The following PIEZO2 variants were observed in gnomAD, a reference collection of about 807,000 sequenced individuals.
PIEZO2 encodes the protein piezo-type mechanosensitive ion channel component 2.
PIEZO2 carries 172 observed loss-of-function variants against 337.3 expected under a neutral mutation model. That is an observed-to-expected ratio of 0.51 (90% confidence interval 0.45 to 0.58). PIEZO2 has a LOEUF of 0.58. Ranked by LOEUF, PIEZO2 falls within the 20% of genes least tolerant of loss-of-function variation. The pLI is 0.00. For missense variants in PIEZO2, 3,028 were observed against 3,391.3 expected (o/e 0.89, Z 2.66); for synonymous variants, 1,251 against 1,228.5 (o/e 1.02, Z -0.38).
At chr18:10,949,804 T>C (rs188925895) in intron 3 of PIEZO2, among the ~76,000 whole-genome samples, 43 of 152,222 alleles carry the variant, frequency 2.8e-4, no homozygotes, top group Non-Finnish European at 3.5e-4. Flanking sequence ...CACACAGTTG[T>C]GGTCAAAGTG....
chr18:10,929,685 G>A lies in PIEZO2; in HGVS notation c.287-18457C>T, dbSNP rs1220111862. 6.6e-6 allele frequency among the ~76,000 whole-genome samples: 1 copy of A among 152,178 alleles called. No homozygotes were observed. Among genetic ancestry groups the A allele is most frequent in the East Asian group, 1.9e-4 (1 of 5,196 alleles). ...ACTTAGTCTTTTACAGTGTTTAATG[G>A]AGTTTGATACAATAGAGCAGATGGA... On this transcript the variant is annotated intron_variant, in intron 3 of 55. Transcript: ENST00000674853. The surrounding 1 kb of genome is among the most constrained non-coding windows in gnomAD (Gnocchi z 5.6).
intron 1 of PIEZO2, among the ~76,000 whole-genome samples, chr18:11,084,133 C>T (rs1159217217): frequency 1.7e-5 from 2 of 119,388 alleles, no homozygotes; most frequent in Non-Finnish European, 3.2e-5. Flanking sequence ...GCCAAGATCA[C>T]ATCATTTTAC....
intron 52 of PIEZO2, among the ~76,000 whole-genome samples, chr18:10,679,767 T>C (rs2143480461): frequency 6.6e-6 from 1 of 152,348 alleles, no homozygotes; most frequent in Admixed American, 6.5e-5. Context: ...ATAATAGTGC[T>C]GTAAGTGATG....
Position 11,076,152 on chromosome 18 carries a change from T to C in PIEZO2, c.65-9930A>G, listed in dbSNP as rs577462197. Among the ~76,000 whole-genome samples the C allele has an allele frequency of 2.6e-5, 4 of 152,360 alleles. No homozygotes were observed. The South Asian group carries it at 8.3e-4, about 32-fold the overall frequency. On this transcript the variant is annotated intron_variant, in intron 1 of 55. Coordinates refer to ENST00000674853, the MANE Select transcript of PIEZO2 (RefSeq NM_001378183.1). ...GTCATGTTTTAACATTACATTTTTA[T>C]TCTGAAATGTGTGAAGGCTGACAAT...
intron 2 of PIEZO2, among the ~76,000 whole-genome samples, chr18:10,994,224 A>G (rs1288157741): frequency 1.3e-5 from 2 of 152,174 alleles, no homozygotes; most frequent in African/African-American, 4.8e-5. Flanking sequence ...CATCACATAT[A>G]TGTTTCTTTA....
rs190911948 is a variant in PIEZO2, at chr18:10,680,820, A to G, written c.7780-449T>C. 9.7e-4 allele frequency among the ~76,000 whole-genome samples: 148 copies of G among 152,342 alleles called. 1 individual carries two copies. The highest frequency in any genetic ancestry group is 8.6e-3 in the Admixed American group (131 of 15,304). ...TGTGCATTATAGGTGATAATTTTAC[A>G]GAAGAAAGAAGCATCTCCTTCCTAT... On this transcript the variant is annotated intron_variant, in intron 51 of 55. Coordinates refer to ENST00000674853, the MANE Select transcript of PIEZO2 (RefSeq NM_001378183.1).
intron 20 of PIEZO2, among the ~76,000 whole-genome samples, chr18:10,771,284 C>T (rs1022987701): frequency 1.3e-5 from 2 of 152,244 alleles, no homozygotes; most frequent in Non-Finnish European, 1.5e-5. Context: ...GAACTCTAAG[C>T]ATCAGAATGA....
chr18:10,852,285 C>T (rs1180530902), intron 7 of PIEZO2, among the ~76,000 whole-genome samples: 1 of 152,090 alleles, frequency 6.6e-6, no homozygotes, highest in Non-Finnish European at 1.5e-5. Context: ...TCTCCAGTTG[C>T]CAGGCTAATA....
intron 13 of PIEZO2, 82 bp from the exon 14 acceptor site, chr18:10,791,406 G>T: frequency 1.5e-6 from 2 of 1,350,460 alleles, no homozygotes; most frequent in South Asian, 3.1e-5. Flanking sequence ...CATTTTCTCC[G>T]CATTCCAGTG....
chr18:10,876,347 C>A (rs1012394706), intron 4 of PIEZO2, among the ~76,000 whole-genome samples: 1 of 152,170 alleles, frequency 6.6e-6, no homozygotes, highest in Admixed American at 6.5e-5. Context: ...CATTTCTTAC[C>A]AGTTTCTTCT....
chr18:10,672,813 C>T lies in PIEZO2; in HGVS notation c.8222G>A (p.Ser2741Asn), dbSNP rs1193032704. 8 of 1,612,828 alleles carry T rather than the reference C, an allele frequency of 5.0e-6. No individual in the cohort carries two copies. The highest frequency in any genetic ancestry group is 1.3e-5 in the African/African-American group (1 of 74,866). The change falls in exon 55 of 56, where the codon AGT becomes AAT. Residue 2741 changes from serine (S) to asparagine (N), a missense_variant. Around this residue, in one of 5 missense-constraint regions of PIEZO2, gnomAD observed 332 missense variants for 363.8 expected, o/e 0.91. Coordinates refer to ENST00000674853, the MANE Select transcript of PIEZO2 (RefSeq NM_001378183.1). The surrounding 1 kb of genome is among the most constrained non-coding windows in gnomAD (Gnocchi z 4.7). ...AGTCAGGTTGAGAACCCACCACTCA[C>T]TGTTATATTTAGTTGTATTGTCTCT... ...LSRDNTTKYNSEWWVLNLTGN... is the reference protein window; with the variant it reads ...LSRDNTTKYNNEWWVLNLTGN...
intron 4 of PIEZO2, among the ~76,000 whole-genome samples, chr18:10,879,350 A>G (rs1427416335): frequency 2.0e-5 from 3 of 150,122 alleles, no homozygotes; most frequent in Non-Finnish European, 4.4e-5. Flanking sequence ...ACTACCTCAA[A>G]CTTCATGTTC....
Position 11,104,075 on chromosome 18 carries a change from C to T in PIEZO2, c.65-37853G>A, listed in dbSNP as rs149293594. On this transcript the variant is annotated intron_variant, in intron 1 of 55. Transcript: ENST00000674853. The surrounding 1 kb of genome is among the most constrained non-coding windows in gnomAD (Gnocchi z 4.6). The stretch of plus-strand genomic sequence containing the variant: ...TCATGTCTTCATTTCCAGTTGAAGA[C>T]AATAGTGTAATAGGATGTTAAAATT... Among the ~76,000 whole-genome samples the T allele has an allele frequency of 1.8e-3, 278 of 152,176 alleles. 2 individuals carry two copies. The highest frequency in any genetic ancestry group is 5.9e-3 in the African/African-American group (245 of 41,504).
chr18:11,018,610 C>T (rs949395099), intron 2 of PIEZO2, among the ~76,000 whole-genome samples: 1 of 152,136 alleles, frequency 6.6e-6, no homozygotes, highest in Non-Finnish European at 1.5e-5. Context: ...ACTGTGAACA[C>T]ACATGTATGC....
chr18:10,902,427 C>T (rs1402021008), intron 4 of PIEZO2, among the ~76,000 whole-genome samples: 1 of 152,102 alleles, frequency 6.6e-6, no homozygotes. Flanking sequence ...CATCCAAAAC[C>T]GGGCTTTTAA....
intron 39 of PIEZO2, among the ~76,000 whole-genome samples, chr18:10,712,917 T>C (rs896171291): frequency 2.0e-5 from 3 of 152,206 alleles, no homozygotes; most frequent in African/African-American, 7.2e-5. Context: ...CATAAAAATA[T>C]ACAATAATAG....
intron 36 of PIEZO2, among the ~76,000 whole-genome samples, chr18:10,720,413 GTGTATGTATA>G (rs1567983916): frequency 1.1e-4 from 4 of 36,686 alleles, no homozygotes; most frequent in African/African-American, 8.0e-4. Context: ...GTATGTGTAT[GTGTATGTATA>G]TATATATATA....
chr18:10,811,638 A>T (rs2040193440), intron 7 of PIEZO2, among the ~76,000 whole-genome samples: 1 of 152,232 alleles, frequency 6.6e-6, no homozygotes, highest in South Asian at 2.1e-4. Flanking sequence ...TTTAGGAAAT[A>T]AGAACACAGA....
chr18:11,023,899 C>A (rs1037585698), intron 2 of PIEZO2, among the ~76,000 whole-genome samples: 2 of 152,214 alleles, frequency 1.3e-5, no homozygotes, highest in African/African-American at 4.8e-5. Context: ...GGTGCTAAGC[C>A]CCTCATTGCC....
Sources: gnomAD v4.1 joint callset for allele counts (sites outside exome capture counted in the v4.1 genomes callset) on GRCh38, gnomAD v4.1.1 for gene constraint, gnomAD v4.1.1 regional missense constraint, Gnocchi (gnomAD v3.1) non-coding constraint, MANE v1.5 for transcripts, NCBI Gene and HGNC (gene_info 2026-07-23, HGNC 2026-07-21) for gene names.